The following SAMD12 variants were observed in gnomAD, a reference collection of about 807,000 sequenced individuals.
SAMD12 encodes sterile alpha motif domain-containing protein 12.
Under a neutral mutation model 15.0 loss-of-function variants are expected in SAMD12, and 9 were observed. The ratio of observed to expected loss-of-function variants is 0.60; its 90% CI spans 0.36 to 1.05. SAMD12 has a LOEUF of 1.05. SAMD12 is among the 50% of genes least tolerant of loss of function. SAMD12 has a pLI of 0.01. For synonymous variants in SAMD12, 86 were observed against 90.1 expected (o/e 0.96, Z 0.25); for missense variants, 230 against 234.2 (o/e 0.98, Z 0.12).
chr8:118,390,361 A>T (rs983129691), intron 3 of SAMD12, among the ~76,000 whole-genome samples: 1 of 152,132 alleles, frequency 6.6e-6, no homozygotes, highest in Non-Finnish European at 1.5e-5. Context: ...TTCAGTGCAA[A>T]GGAATTCAGG....
At chr8:118,170,405 C>T in the SAMD12 span, among the ~76,000 whole-genome samples, 1 of 152,154 alleles carries the variant, frequency 6.6e-6, no homozygotes, top group Non-Finnish European at 1.5e-5. Context: ...GCATACTTTA[C>T]AAATTATCTT....
intron 2 of SAMD12, among the ~76,000 whole-genome samples, chr8:118,572,061 C>T (rs113849840): frequency 0.014 from 2,123 of 152,304 alleles, 46 homozygotes; most frequent in African/African-American, 0.049. Flanking sequence ...GGTGGAGCTG[C>T]CCAAGACCAT....
intron 2 of SAMD12, among the ~76,000 whole-genome samples, chr8:118,485,801 T>C (rs1824260891): frequency 6.6e-6 from 1 of 152,218 alleles, no homozygotes; most frequent in Non-Finnish European, 1.5e-5. Context: ...AATATTGGTA[T>C]GGCAAATCCA....
At chr8:118,205,024 T>G (rs112613111) in intron 4 of SAMD12, among the ~76,000 whole-genome samples, 70 of 152,328 alleles carry the variant, frequency 4.6e-4, no homozygotes, top group African/African-American at 1.6e-3. Context: ...GATGAACAAC[T>G]GAATTGGTAG....
intron 4 of SAMD12, among the ~76,000 whole-genome samples, chr8:118,199,959 T>A (rs1026447936): frequency 1.3e-5 from 2 of 152,136 alleles, no homozygotes; most frequent in Admixed American, 1.3e-4. Context: ...TTCCCACGCA[T>A]TGTGGGGAGA....
chr8:118,158,583 C>T, the SAMD12 span, among the ~76,000 whole-genome samples: 2 of 152,222 alleles, frequency 1.3e-5, no homozygotes, highest in African/African-American at 2.4e-5. Flanking sequence ...GGCTCCTGGA[C>T]AGAAAGTGGC....
downstream of SAMD12, among the ~76,000 whole-genome samples, chr8:118,187,994 G>T (rs191452353): frequency 6.6e-6 from 1 of 151,790 alleles, no homozygotes; most frequent in African/African-American, 2.4e-5. Context: ...ACAGATAACT[G>T]CTCTACCCTA....
chr8:118,323,439 G>A (rs1485800727), intron 4 of SAMD12, among the ~76,000 whole-genome samples: 1 of 151,970 alleles, frequency 6.6e-6, no homozygotes, highest in Non-Finnish European at 1.5e-5. Context: ...TGAATGCATG[G>A]ATATCTTGCT....
At chr8:118,240,759 A>AT (rs11380799) in intron 4 of SAMD12, among the ~76,000 whole-genome samples, 22,711 of 151,958 alleles carry the variant, frequency 0.15, 2,839 homozygotes, top group East Asian at 0.64. Context: ...TGCAAAAGGA[A>AT]TTTTTTTACG....
chr8:118,568,930 C>T (rs912516666), intron 2 of SAMD12, among the ~76,000 whole-genome samples: 1 of 151,958 alleles, frequency 6.6e-6, no homozygotes, highest in Non-Finnish European at 1.5e-5. Flanking sequence ...CTCTGTAATG[C>T]CAATTTTAAA....
intron 2 of SAMD12, among the ~76,000 whole-genome samples, chr8:118,526,906 C>T (rs1453892960): frequency 5.3e-5 from 8 of 152,150 alleles, no homozygotes; most frequent in Non-Finnish European, 1.2e-4. Context: ...GAGTCAGTTT[C>T]CTATGGAAAT....
intron 2 of SAMD12, among the ~76,000 whole-genome samples, chr8:118,465,175 G>C (rs1009534621): frequency 2.6e-5 from 4 of 152,122 alleles, no homozygotes; most frequent in Non-Finnish European, 5.9e-5. Context: ...TGGGTAGGGT[G>C]GGGGAAGAGG....
intron 4 of SAMD12, among the ~76,000 whole-genome samples, chr8:118,278,311 C>A (rs189084156): frequency 1.2e-3 from 190 of 152,290 alleles, no homozygotes; most frequent in African/African-American, 4.3e-3. Context: ...GACTACCTTG[C>A]CAATTCTCAT....
At chr8:118,335,330 C>G (rs1393314525) in intron 4 of SAMD12, among the ~76,000 whole-genome samples, 1 of 152,152 alleles carries the variant, frequency 6.6e-6, no homozygotes, top group Non-Finnish European at 1.5e-5. Flanking sequence ...AGCTTTCCAC[C>G]AGGATCATGT....
intron 4 of SAMD12, among the ~76,000 whole-genome samples, chr8:118,355,086 C>T (rs1319913721): frequency 5.9e-5 from 9 of 152,206 alleles, no homozygotes; most frequent in Admixed American, 5.9e-4. Flanking sequence ...GATACTTGCA[C>T]ATGCATGCTT....
At chr8:118,493,402 C>A (rs1395981358) in intron 2 of SAMD12, among the ~76,000 whole-genome samples, 1 of 152,170 alleles carries the variant, frequency 6.6e-6, no homozygotes, top group Non-Finnish European at 1.5e-5. Flanking sequence ...GCTCATTTCT[C>A]ATGATTCTGT....
chr8:118,259,777 G>C (rs992488198), intron 4 of SAMD12, among the ~76,000 whole-genome samples: 1 of 152,102 alleles, frequency 6.6e-6, no homozygotes, highest in Non-Finnish European at 1.5e-5. Flanking sequence ...GTGAAAAAGA[G>C]ATGTCCTTAC....
At chr8:118,548,593 G>C (rs1826210037) in intron 2 of SAMD12, among the ~76,000 whole-genome samples, 1 of 152,230 alleles carries the variant, frequency 6.6e-6, no homozygotes, top group African/African-American at 2.4e-5. Context: ...CTCCCAGCGT[G>C]AGCGACGCAG....
At chr8:118,289,636 T>C (rs1437573691) in intron 4 of SAMD12, among the ~76,000 whole-genome samples, 1 of 152,222 alleles carries the variant, frequency 6.6e-6, no homozygotes, top group Non-Finnish European at 1.5e-5. Context: ...CTTACAGCAG[T>C]GCTAACCAGA....
Sources: gnomAD v4.1 joint callset for allele counts (sites outside exome capture counted in the v4.1 genomes callset) on GRCh38, gnomAD v4.1.1 for gene constraint, MANE v1.5 for transcripts, NCBI Gene and HGNC (gene_info 2026-07-23, HGNC 2026-07-21) for gene names.